The following MYO10 variants were observed in gnomAD, a reference collection of about 807,000 sequenced individuals.
MYO10 encodes the protein myosin X.
MYO10 carries 133 observed loss-of-function variants against 257.3 expected under a neutral mutation model. The ratio of observed to expected loss-of-function variants is 0.52; its 90% confidence interval spans 0.45 to 0.60. MYO10 has a LOEUF of 0.60. Among genes scored for constraint, MYO10 ranks in the 20% least tolerant of loss-of-function variants. The pLI, the probability that MYO10 is intolerant of heterozygous loss-of-function variation, is 0.00. For missense variants in MYO10, 2,399 were observed against 2,635.7 expected (o/e 0.91, Z 1.97); for synonymous variants, 1,104 against 1,028.6 (o/e 1.07, Z -1.40).
rs769062725 is a variant in MYO10, at chr5:16,675,150, A to G, written c.4667T>C (p.Leu1556Ser). The part of the protein sequence containing the change: ...PLPYGDINLN[L>S]LKDKGYTTLQ... ...GGTGGTATAGCCTTTGTCTTTGAGCACTAGGACAAGCAAAACAAACACGGA... is the reference window on the plus strand; with the variant it reads ...GGTGGTATAGCCTTTGTCTTTGAGCGCTAGGACAAGCAAAACAAACACGGA... The change falls in exon 35 of 41, where the codon TTG becomes TCG. Residue 1556 changes from leucine (L) to serine (S), a missense_variant and splice_region_variant. By Grantham distance (145) the Leu-to-Ser change is moderately radical (BLOSUM62 -2). Coordinates refer to ENST00000513610, the MANE Select transcript of MYO10 (RefSeq NM_012334.3). 1 of 1,613,148 alleles carries G rather than the reference A, an allele frequency of 6.2e-7. No individual in the cohort carries two copies. Among genetic ancestry groups the G allele is most frequent in the Non-Finnish European group, 8.5e-7 (1 of 1,179,870 alleles).
intron 3 of MYO10, among the ~76,000 whole-genome samples, chr5:16,795,544 T>G (rs1156944533): frequency 6.6e-6 from 1 of 152,218 alleles, no homozygotes; most frequent in Non-Finnish European, 1.5e-5. Context: ...GAGGTTGCAG[T>G]GACCCGAGAT....
At chr5:16,837,903 CAAT>C (rs36063935) in intron 2 of MYO10, among the ~76,000 whole-genome samples, 31,064 of 151,980 alleles carry the variant, frequency 0.2, 3,124 homozygotes, top group East Asian at 0.27. Flanking sequence ...GTAATTCTCA[CAAT>C]AATTCAAACT....
At chr5:16,906,878 G>A (rs1250373945) in intron 1 of MYO10, among the ~76,000 whole-genome samples, 1 of 152,220 alleles carries the variant, frequency 6.6e-6, no homozygotes, top group East Asian at 1.9e-4. Context: ...TTGGGAGGCC[G>A]AGGCGGGTGG....
Position 16,935,447 on chromosome 5 carries a change from C to G in MYO10, c.21+341G>C, listed in dbSNP as rs563693007. ...AACATTTTATTGGGCTTCCTGCACC[C>G]GGGCAGTCGAGCGGGCGGATCGCCC... On this transcript the variant is annotated intron_variant, in intron 1 of 40. Transcript: ENST00000513610. Among the ~76,000 whole-genome samples the G allele has an allele frequency of 1.2e-4, 19 of 152,232 alleles. 1 individual carries two copies. In the South Asian group the frequency reaches 3.5e-3, roughly 28 times the overall value.
In MYO10 at chr5:16,786,125, G is replaced by T. The variant is rs1560983876; in HGVS notation, c.468-2656C>A. Reference sequence around the variant, plus strand: ...GTCCCTCCCCTACCCACCAGGGGCCGGAGAGGAGCAAGAAATAGACCATCC... The same window carrying T: ...GTCCCTCCCCTACCCACCAGGGGCCTGAGAGGAGCAAGAAATAGACCATCC... On this transcript the variant is annotated intron_variant, in intron 4 of 40. Coordinates refer to ENST00000513610, the MANE Select transcript of MYO10 (RefSeq NM_012334.3). Among the ~76,000 whole-genome samples the T allele has an allele frequency of 4.0e-5, 6 of 151,884 alleles. No homozygotes were observed. In the East Asian group the frequency reaches 7.8e-4, roughly 20 times the overall value.
chr5:16,766,890 C>A (rs1489703647), intron 10 of MYO10, among the ~76,000 whole-genome samples: 1 of 150,784 alleles, frequency 6.6e-6, no homozygotes, highest in African/African-American at 2.4e-5. Flanking sequence ...CTGCCTCAGC[C>A]TCCTGAGTAT....
At chr5:16,902,923 C>CAGAAGG (rs1172676480) in intron 1 of MYO10, among the ~76,000 whole-genome samples, 1 of 152,224 alleles carries the variant, frequency 6.6e-6, no homozygotes, top group Non-Finnish European at 1.5e-5. Flanking sequence ...GTGCCAGGCC[C>CAGAAGG]AGAAGGACAT....
At chr5:16,681,730 CAAATT>C (rs1210408068) in intron 31 of MYO10, 136 bp downstream of exon 31, 4 of 1,203,232 alleles carry the variant, frequency 3.3e-6, no homozygotes, top group South Asian at 3.3e-5. Flanking sequence ...TATAATATCA[CAAATT>C]AAAAATCACT....
At chr5:16,902,916 C>T (rs1426610056) in intron 1 of MYO10, among the ~76,000 whole-genome samples, 1 of 152,244 alleles carries the variant, frequency 6.6e-6, no homozygotes, top group Non-Finnish European at 1.5e-5. Flanking sequence ...AGGCACAGTG[C>T]CAGGCCCAGA....
rs771237567 is a variant in MYO10, at chr5:16,670,551, T to C, written c.5858A>G (p.Tyr1953Cys). 68 of 1,612,412 alleles carry C rather than the reference T, an allele frequency of 4.2e-5. No homozygotes were observed. The highest frequency in any genetic ancestry group is 1.6e-4 in the Middle Eastern group (1 of 6,072). ...YMALIKEWPG[Y>C]GSTLFDVECK... The stretch of plus-strand genomic sequence containing the variant: ...CTCCACATCAAACAGCGTCGAGCCA[T>C]AGCCAGGCCACTCCTTGATCAAGGC... Residue 1953 changes from tyrosine (Y) to cysteine (C), a missense_variant, in exon 39 of 41, where the codon TAT (tyrosine) becomes TGT (cysteine). Tyr to Cys is a radical substitution (Grantham distance 194, BLOSUM62 -2). Transcript: ENST00000513610.
chr5:16,680,879 T>C (rs1251051392), intron 32 of MYO10, among the ~76,000 whole-genome samples: 1 of 152,150 alleles, frequency 6.6e-6, no homozygotes, highest in Non-Finnish European at 1.5e-5. Flanking sequence ...CCTGTAGTCC[T>C]AGCTACTCCT....
chr5:16,922,611 C>A (rs1746020267), intron 1 of MYO10, among the ~76,000 whole-genome samples: 1 of 152,120 alleles, frequency 6.6e-6, no homozygotes, highest in Non-Finnish European at 1.5e-5. Context: ...GCAAGGCTAG[C>A]CAGCAGGTCC....
intron 11 of MYO10, among the ~76,000 whole-genome samples, chr5:16,765,548 T>C (rs1423887366): frequency 6.6e-6 from 1 of 152,178 alleles, no homozygotes; most frequent in Non-Finnish European, 1.5e-5. Flanking sequence ...AGCTAGCACA[T>C]ATACATTGGC....
In MYO10 at chr5:16,791,551, C is replaced by CACATACACAT. The variant is rs1553996585; in HGVS notation, c.467+3094_467+3095insATGTGTATGT. Among the ~76,000 whole-genome samples, 580 of 108,398 alleles carry CACATACACAT rather than the reference C, an allele frequency of 5.4e-3. 21 individuals carry two copies. Among genetic ancestry groups the CACATACACAT allele is most frequent in the Admixed American group, 0.046 (569 of 12,352 alleles). 71.1% of individuals were successfully genotyped at this position (108,398 alleles called of 152,430 possible). A position where few individuals can be genotyped will look rare whatever the true frequency, so the allele number is the denominator to read the frequency against. ...TTCCGTTTTAATACATACATACACACACACACACACATACACATATGCACA... is the reference window on the plus strand; with the variant it reads ...TTCCGTTTTAATACATACATACACACACATACACATACACACACACATACACATATGCACA... On this transcript the variant is annotated intron_variant, in intron 4 of 40. Coordinates refer to ENST00000513610, the MANE Select transcript of MYO10 (RefSeq NM_012334.3).
chr5:16,730,614 C>T lies in MYO10; in HGVS notation c.1930-19369G>A, dbSNP rs550384476. On this transcript the variant is annotated intron_variant, in intron 19 of 40. Transcript: ENST00000513610. ...CATCAGCTGGTACGGGATGCCAAAA[C>T]CAGAGGGACATCACGGGGCAGTGTC... 2.0e-5 allele frequency among the ~76,000 whole-genome samples: 3 copies of T among 152,248 alleles called. No individual in the cohort carries two copies. In the South Asian group the frequency reaches 6.2e-4, roughly 32 times the overall value.
At chr5:16,716,056 G>A (rs200318826) in intron 19 of MYO10, among the ~76,000 whole-genome samples, 18 of 144,874 alleles carry the variant, frequency 1.2e-4, no homozygotes, top group African/African-American at 1.5e-4. Flanking sequence ...ACTCCGTCTC[G>A]AAAAAAAAAA....
intron 19 of MYO10, among the ~76,000 whole-genome samples, chr5:16,739,428 A>G (rs185504807): frequency 6.6e-6 from 1 of 152,292 alleles, no homozygotes; most frequent in East Asian, 1.9e-4. Flanking sequence ...TGTTATACAC[A>G]TTGGATATAT....
At chr5:16,671,893 A>G (rs1029527909) in intron 37 of MYO10, among the ~76,000 whole-genome samples, 1 of 152,248 alleles carries the variant, frequency 6.6e-6, no homozygotes. Flanking sequence ...ATACATTATG[A>G]TAACATTTAT....
intron 2 of MYO10, among the ~76,000 whole-genome samples, chr5:16,847,009 G>A (rs111280049): frequency 6.6e-6 from 1 of 152,188 alleles, no homozygotes; most frequent in African/African-American, 2.4e-5. Context: ...TCCCAGCTAT[G>A]CGGGAGGTTA....
Sources: allele counts gnomAD v4.1 joint callset (sites outside exome capture counted in the v4.1 genomes callset), GRCh38; gene constraint gnomAD v4.1.1; transcripts MANE v1.5; gene names NCBI Gene and HGNC (gene_info 2026-07-23, HGNC 2026-07-21).